Variants in WDR13 observed in about 807,000 individuals in gnomAD.
WDR13 encodes the protein WD repeat-containing protein 13.
WDR13 carries 1 observed loss-of-function variant against 28.6 expected under a neutral mutation model. The ratio of observed to expected loss-of-function variants is 0.03; its 90% CI spans 0.01 to 0.17. The LOEUF is 0.17. Ranked by LOEUF, WDR13 falls within the 10% of genes least tolerant of loss-of-function variation. WDR13 has a pLI of 1.00. For synonymous variants in WDR13, 201 were observed against 185.9 expected (o/e 1.08, Z -0.66); for missense variants, 264 against 469.3 (o/e 0.56, Z 4.04).
At chrX:48,600,215 C>T in intron 5 of WDR13, 104 bp from the exon 6 acceptor site, 3 of 897,916 alleles carry the variant, frequency 3.3e-6, no homozygotes, top group East Asian at 6.4e-5. Context: ...CACTGTTCCT[C>T]ATGCAGTGGG....
intron 6 of WDR13, 33 bp from the exon 7 acceptor site, chrX:48,601,751 A>G (rs1556994636): frequency 8.8e-7 from 1 of 1,136,444 alleles, no homozygotes; most frequent in African/African-American, 1.8e-5. Flanking sequence ...CCTGGCTGGA[A>G]GCAGGATGAT....
At position 48,605,892 on chromosome X, in the gene WDR13, G is replaced by T. The variant is rs891335221; in HGVS notation, c.*860G>T. The T allele has an allele frequency of 9.0e-6, 1 of 110,739 alleles. No homozygotes were observed. The highest frequency in any genetic ancestry group is 1.9e-5 in the Non-Finnish European group (1 of 53,033). 9.1% of individuals were successfully genotyped at this position (110,739 alleles called of 1,213,427 possible). On this transcript the variant is annotated 3_prime_UTR_variant, in exon 10 of 10. Coordinates refer to ENST00000376729, the MANE Select transcript of WDR13 (RefSeq NM_001347217.2). ...GGTGACATTTAAAGACCTGAATGAA[G>T]TGAGTGGGAGTCATAGTGTAGGGGG...
rs782335269 is a variant in WDR13, at chrX:48,606,293, C to T, written c.*1261C>T. The T allele has an allele frequency of 2.7e-5, 3 of 109,219 alleles. No individual in the cohort carries two copies. In the Admixed American group the frequency reaches 3.0e-4, roughly 11 times the overall value. The allele number at this position is 109,219 out of a possible 1,213,427, so 9.0% of individuals were successfully genotyped here. On this transcript the variant is annotated 3_prime_UTR_variant, in exon 10 of 10. Coordinates refer to ENST00000376729, the MANE Select transcript of WDR13 (RefSeq NM_001347217.2). ...GCGGGGGAATGTTGGGTCGGACCCC[C>T]AGGGGGTTCACTATGTTAGGCTGCA...
intron 2 of WDR13, chrX:48,598,359 C>T (rs2062157792): frequency 9.9e-7 from 1 of 1,013,754 alleles, no homozygotes; most frequent in African/African-American, 2.0e-5. Context: ...CATCACTTCC[C>T]CATTCTGACC....
At chrX:48,603,330 T>G (rs1403187651) in intron 8 of WDR13, among the ~76,000 whole-genome samples, 1 of 111,652 alleles carries the variant, frequency 9.0e-6, no homozygotes, top group Non-Finnish European at 1.9e-5. Flanking sequence ...CACCACAGTT[T>G]TGAAAGAAAG....
chrX:48,599,543 T>C (rs1556993798), intron 4 of WDR13, 44 bp from the exon 5 acceptor site: 3 of 1,209,983 alleles, frequency 2.5e-6, no homozygotes, highest in Admixed American at 2.2e-5. Flanking sequence ...CTGAACACTC[T>C]CGCATCTACC....
chrX:48,599,070 A>G, intron 3 of WDR13, 113 bp downstream of exon 3: 1 of 1,039,293 alleles, frequency 9.6e-7, no homozygotes. Context: ...TCAGCAGAGG[A>G]CAAAAAGATA....
chrX:48,599,631 G>A lies in WDR13; in HGVS notation c.437G>A (p.Arg146Gln), dbSNP rs1556993825. 1 of 1,212,675 alleles carries A rather than the reference G, an allele frequency of 8.2e-7. No individual in the cohort carries two copies. The highest frequency in any genetic ancestry group is 1.1e-6 in the Non-Finnish European group (1 of 895,700). Reference sequence around the variant, plus strand: ...CCCACGTCAGCAGCAGAGGCAAGTCGGGCCATGGCCGGGGACACGTCACTG... The same window carrying A: ...CCCACGTCAGCAGCAGAGGCAAGTCAGGCCATGGCCGGGGACACGTCACTG... ...VVPTSAAEAS[R>Q]AMAGDTSLSE... Residue 146 changes from arginine to glutamine, a missense_variant, in exon 5 of 10, where the codon CGG becomes CAG. Transcript: ENST00000376729.
Position 48,599,582 on chromosome X carries a change from C to T in WDR13, c.393-5C>T, listed in dbSNP as rs782650703. 6 of 1,211,711 alleles carry T rather than the reference C, an allele frequency of 5.0e-6. No homozygotes were observed. In the South Asian group the frequency reaches 7.0e-5, roughly 14 times the overall value. On this transcript the variant is annotated splice_polypyrimidine_tract_variant and splice_region_variant and intron_variant, in intron 4 of 9. Transcript: ENST00000376729. Reference sequence around the variant, plus strand: ...TGTCACCCCTCACTTCCTATTGGGGCCCAGGCCCCCTGGCAGCGTGGTGCC... The same window carrying T: ...TGTCACCCCTCACTTCCTATTGGGGTCCAGGCCCCCTGGCAGCGTGGTGCC...
At chrX:48,600,130 C>T in intron 5 of WDR13, 189 bp from the exon 6 acceptor site, 1 of 457,924 alleles carries the variant, frequency 2.2e-6, no homozygotes, top group Non-Finnish European at 3.6e-6. Context: ...GCTGCTAAGA[C>T]TTAGGGAGCT....
intron 9 of WDR13, 56 bp downstream of exon 9, chrX:48,604,446 C>T (rs782227806): frequency 1.9e-6 from 2 of 1,059,469 alleles, no homozygotes; most frequent in East Asian, 3.1e-5. Context: ...GGAACCAGGG[C>T]TGGTGCCAAC....
At chrX:48,599,061 C>A in intron 3 of WDR13, 104 bp downstream of exon 3, 2 of 1,057,373 alleles carry the variant, frequency 1.9e-6, no homozygotes, top group Non-Finnish European at 2.5e-6. Context: ...TGTTCTGCAT[C>A]AGCAGAGGAC....
Position 48,607,968 on chromosome X carries a change from CACCATA to C in WDR13, c.*2937_*2942del, listed in dbSNP as rs1325864721. 1 of 108,961 alleles carries C rather than the reference CACCATA, an allele frequency of 9.2e-6. No individual in the cohort carries two copies. Among genetic ancestry groups the C allele is most frequent in the Non-Finnish European group, 1.9e-5 (1 of 52,535 alleles). The allele number at this position is 108,961 out of a possible 1,213,427, so 9.0% of individuals were successfully genotyped here. On this transcript the variant is annotated 3_prime_UTR_variant, in exon 10 of 10. Transcript: ENST00000376729. The stretch of plus-strand genomic sequence containing the variant: ...TGTATTTTTAGTAGAGACGGGGTTT[CACCATA>C]TTGGCCAGGCTGGTCTCCATCTCTT...
chrX:48,604,479 G>T, intron 9 of WDR13, 89 bp downstream of exon 9: 1 of 810,751 alleles, frequency 1.2e-6, no homozygotes, highest in Non-Finnish European at 1.8e-6. Flanking sequence ...TCACGACACC[G>T]ATGCCCTGAC....
chrX:48,598,654 C>T, intron 2 of WDR13, 63 bp from the exon 3 acceptor site: 1 of 985,612 alleles, frequency 1.0e-6, no homozygotes, highest in East Asian at 4.8e-5. Context: ...GTACCCCCCC[C>T]CCCGAGCTGA....
chrX:48,599,289 C>T, intron 3 of WDR13, 64 bp from the exon 4 acceptor site: 1 of 918,350 alleles, frequency 1.1e-6, no homozygotes, highest in Non-Finnish European at 1.5e-6. Context: ...TTTCAGGGCT[C>T]CACACCTCAA....
chrX:48,600,735 C>T (rs1556994243), intron 6 of WDR13, 109 bp downstream of exon 6: 1 of 872,153 alleles, frequency 1.1e-6, no homozygotes, highest in Non-Finnish European at 1.6e-6. Flanking sequence ...CTAGGACCCC[C>T]CCACCCCCCA....
chrX:48,600,516 A>G lies in WDR13; in HGVS notation c.721A>G (p.Met241Val), dbSNP rs1256030834. ...CGTGTCCACCTCACTGGATGCCACC[A>G]TGCGCATCTGGGCCTCTGAGGATGG... ...ILVSTSLDAT[M>V]RIWASEDGRC... The change falls in exon 6 of 10, where the codon ATG (methionine) becomes GTG (valine). Residue 241 changes from methionine to valine, a missense_variant. Physicochemically the swap from Met to Val is conservative, Grantham distance 21. Coordinates refer to ENST00000376729, the MANE Select transcript of WDR13 (RefSeq NM_001347217.2). 3.3e-6 allele frequency: 4 copies of G among 1,210,710 alleles called. No homozygotes were observed. The African/African-American group carries it at 7.0e-5, about 21-fold the overall frequency.
At chrX:48,597,869 C>T in intron 1 of WDR13, 89 bp from the exon 2 acceptor site, 9 of 1,058,273 alleles carry the variant, frequency 8.5e-6, no homozygotes, top group South Asian at 4.8e-5. Flanking sequence ...CGGAGGGACT[C>T]GATGTCTATG....
Sources: allele counts gnomAD v4.1 joint callset (sites outside exome capture counted in the v4.1 genomes callset), GRCh38; gene constraint gnomAD v4.1.1; transcripts MANE v1.5; gene names NCBI Gene and HGNC (gene_info 2026-07-23, HGNC 2026-07-21).